JPH2: variants seen among roughly 807,000 people sequenced by gnomAD.
JPH2 encodes junctophilin-2.
A neutral mutation model predicts 55.9 loss-of-function variants in JPH2; 38 were observed. That is an observed-to-expected ratio of 0.68 (90% CI 0.52 to 0.89). JPH2 has a LOEUF of 0.89. JPH2 is among the 40% of genes least tolerant of loss of function. JPH2 has a pLI of 0.00. For synonymous variants in JPH2, 480 were observed against 472.4 expected (o/e 1.02, Z -0.21); for missense variants, 964 against 1,037.6 (o/e 0.93, Z 0.97).
intron 2 of JPH2, among the ~76,000 whole-genome samples, chr20:44,127,364 C>G (rs1410817721): frequency 6.6e-6 from 1 of 152,100 alleles, no homozygotes; most frequent in Non-Finnish European, 1.5e-5. Context: ...CTATGTTTAA[C>G]TTTTTGAGGA....
intron 1 of JPH2, among the ~76,000 whole-genome samples, chr20:44,184,013 A>G (rs1324188803): frequency 7.6e-6 from 1 of 130,946 alleles, no homozygotes; most frequent in African/African-American, 3.2e-5. Context: ...AAAAAAAATT[A>G]GCCAGGTGAG....
intron 4 of JPH2, 29 bp downstream of exon 4, chr20:44,115,636 C>T: frequency 1.9e-6 from 3 of 1,611,874 alleles, no homozygotes; most frequent in Non-Finnish European, 1.7e-6. Flanking sequence ...GGAACCCGAC[C>T]TTAGGCACAC....
intron 2 of JPH2, among the ~76,000 whole-genome samples, chr20:44,134,038 T>TATTA (rs1474355083): frequency 0.16 from 2,985 of 18,702 alleles, 1,196 homozygotes; most frequent in African/African-American, 0.35. Context: ...AAATATATAT[T>TATTA]TATATATAAA....
chr20:44,141,936 G>C (rs1231465396), intron 2 of JPH2, among the ~76,000 whole-genome samples: 1 of 152,172 alleles, frequency 6.6e-6, no homozygotes, highest in Non-Finnish European at 1.5e-5. Context: ...AAATCCAAAA[G>C]GCAAATCTAT....
intron 1 of JPH2, among the ~76,000 whole-genome samples, chr20:44,175,799 T>TG (rs2145893450): frequency 6.6e-6 from 1 of 152,324 alleles, no homozygotes; most frequent in Non-Finnish European, 1.5e-5. Context: ...TTCCAGGCCT[T>TG]GGGTCAGCTC....
chr20:44,123,739 G>A (rs1468771028), intron 2 of JPH2, among the ~76,000 whole-genome samples: 1 of 152,186 alleles, frequency 6.6e-6, no homozygotes, highest in African/African-American at 2.4e-5. Flanking sequence ...TGCCCAGACC[G>A]ACTCATCGGA....
Position 44,163,756 on chromosome 20 carries a change from T to G in JPH2, c.380-3349A>C, listed in dbSNP as rs1480445426. Reference sequence around the variant, plus strand: ...GTGCATTAGAAGCACCAGTGAAACTTTAAAAGAAAACAACTGATCCTTGGG... The same window carrying G: ...GTGCATTAGAAGCACCAGTGAAACTGTAAAAGAAAACAACTGATCCTTGGG... On this transcript the variant is annotated intron_variant, in intron 1 of 5. Coordinates refer to ENST00000372980, the MANE Select transcript of JPH2 (RefSeq NM_020433.5). 2.0e-5 allele frequency among the ~76,000 whole-genome samples: 3 copies of G among 152,266 alleles called. No individual in the cohort carries two copies. The East Asian group carries it at 5.8e-4, about 29-fold the overall frequency.
chr20:44,174,117 T>G (rs1030456720), intron 1 of JPH2, among the ~76,000 whole-genome samples: 1 of 152,128 alleles, frequency 6.6e-6, no homozygotes, highest in African/African-American at 2.4e-5. Context: ...TAGCCAGTGT[T>G]GTGCGTGAGA....
intron 5 of JPH2, among the ~76,000 whole-genome samples, 196 bp downstream of exon 5, chr20:44,114,585 TG>T (rs2072172447): frequency 6.6e-6 from 1 of 150,550 alleles, no homozygotes; most frequent in Non-Finnish European, 1.5e-5. Context: ...TGTGTGTGTG[TG>T]TGTGTGTGTG....
intron 2 of JPH2, among the ~76,000 whole-genome samples, chr20:44,139,044 C>G (rs1224578641): frequency 1.3e-5 from 2 of 152,122 alleles, no homozygotes; most frequent in Non-Finnish European, 2.9e-5. Flanking sequence ...CCCTGGACTC[C>G]CTCTGAGCTA....
rs182975725 is a variant in JPH2, at chr20:44,167,629, T to A, written c.380-7222A>T. Among the ~76,000 whole-genome samples the A allele has an allele frequency of 4.6e-3, 702 of 152,284 alleles. 3 individuals carry two copies. The highest frequency in any genetic ancestry group is 0.016 in the African/African-American group (668 of 41,556). ...TAGGACTCCCGAAATTAATAAAACC[T>A]AAATATAGCCTTCTCCTTGCAGTTG... On this transcript the variant is annotated intron_variant, in intron 1 of 5. Coordinates refer to ENST00000372980, the MANE Select transcript of JPH2 (RefSeq NM_020433.5).
At chr20:44,177,864 T>C (rs1186677139) in intron 1 of JPH2, 16 of 1,610,342 alleles carry the variant, frequency 9.9e-6, no homozygotes, top group Non-Finnish European at 1.3e-5. Context: ...GTGAAGGAAA[T>C]ACGGGAATAT....
chr20:44,146,125 C>G (rs1385307434), intron 2 of JPH2, among the ~76,000 whole-genome samples: 1 of 151,924 alleles, frequency 6.6e-6, no homozygotes, highest in Non-Finnish European at 1.5e-5. Flanking sequence ...GCTCCGCCTC[C>G]CGGGTTCACG....
chr20:44,159,179 G>A lies in JPH2; in HGVS notation c.1169+439C>T, dbSNP rs998386759. On this transcript the variant is annotated intron_variant, in intron 2 of 5. Coordinates refer to ENST00000372980, the MANE Select transcript of JPH2 (RefSeq NM_020433.5). This position sits in a 1 kb window ranked among gnomAD's most constrained non-coding sequence, Gnocchi z 5.7. ...GATGTGGGACTGGAGGTGGGTGTGTGGGTGGAGGGGTTGTTCAGTGAGTGT... is the reference window on the plus strand; with the variant it reads ...GATGTGGGACTGGAGGTGGGTGTGTAGGTGGAGGGGTTGTTCAGTGAGTGT... Among the ~76,000 whole-genome samples the A allele has an allele frequency of 2.2e-4, 34 of 152,190 alleles. No individual in the cohort carries two copies. The highest frequency in any genetic ancestry group is 7.0e-4 in the African/African-American group (29 of 41,508).
At chr20:44,165,058 A>C (rs187884364) in intron 1 of JPH2, among the ~76,000 whole-genome samples, 1 of 152,128 alleles carries the variant, frequency 6.6e-6, no homozygotes, top group East Asian at 1.9e-4. Flanking sequence ...GGCTGGTCTC[A>C]AACTCCTGAC....
Position 44,186,412 on chromosome 20 carries a change from C to T in JPH2, c.294G>A (p.Gln98=). The part of the protein sequence containing the change: ...HGFKGRYGIR[Q]SSSSGAKYEG... ...CATACTTGGCACCGCTGCTTGAGCTCTGCCGGATTCCGTAGCGTCCCTTGA... is the reference window on the plus strand; with the variant it reads ...CATACTTGGCACCGCTGCTTGAGCTTTGCCGGATTCCGTAGCGTCCCTTGA... The change falls in exon 1 of 6, where the codon CAG becomes CAA. Residue 98 remains glutamine, a synonymous_variant. Transcript: ENST00000372980. 1 of 1,613,988 alleles carries T rather than the reference C, an allele frequency of 6.2e-7. No individual in the cohort carries two copies. Among genetic ancestry groups the T allele is most frequent in the Non-Finnish European group, 8.5e-7 (1 of 1,179,992 alleles).
chr20:44,160,374 C>T lies in JPH2; in HGVS notation c.413G>A (p.Arg138His). ...TYQGQFTNGM[R>H]HGYGVRQSVP... ...GCTCTGGCGTACTCCGTAGCCATGG[C>T]GCATGCCGTTGGTGAACTGGCCTTG... Residue 138 changes from arginine (R) to histidine (H), a missense_variant, in exon 2 of 6, where the codon CGC becomes CAC. Physicochemically the swap from Arg to His is conservative, Grantham distance 29 (BLOSUM62 0). Coordinates refer to ENST00000372980, the MANE Select transcript of JPH2 (RefSeq NM_020433.5). This position sits in a 1 kb window ranked among gnomAD's most constrained non-coding sequence, Gnocchi z 4.9. 6.2e-7 allele frequency: 1 copy of T among 1,607,076 alleles called. No homozygotes were observed. Among genetic ancestry groups the T allele is most frequent in the Non-Finnish European group, 8.5e-7 (1 of 1,177,542 alleles).
At chr20:44,150,303 A>C (rs1366651309) in intron 2 of JPH2, among the ~76,000 whole-genome samples, 1 of 152,250 alleles carries the variant, frequency 6.6e-6, no homozygotes, top group African/African-American at 2.4e-5. Context: ...CAGCAAAAAG[A>C]ATAAAACATT....
chr20:44,179,578 G>A (rs762605387), intron 1 of JPH2, among the ~76,000 whole-genome samples: 17 of 152,100 alleles, frequency 1.1e-4, no homozygotes, highest in Non-Finnish European at 2.4e-4. Context: ...ATGCAGTCTC[G>A]TAGGACCCAG....
Sources: allele counts gnomAD v4.1 joint callset (sites outside exome capture counted in the v4.1 genomes callset), GRCh38; gene constraint gnomAD v4.1.1; non-coding constraint Gnocchi (gnomAD v3.1); transcripts MANE v1.5; gene names NCBI Gene and HGNC (gene_info 2026-07-23, HGNC 2026-07-21).